CDYL: variants seen among roughly 807,000 people sequenced by gnomAD.
CDYL encodes the protein chromodomain Y-like protein.
Under a neutral mutation model 47.3 loss-of-function variants are expected in CDYL, and 8 were observed. The observed-to-expected ratio is 0.17, with a 90% confidence interval of 0.10 to 0.31. CDYL has a LOEUF of 0.31. CDYL is among the 10% of genes least tolerant of loss of function. The pLI, the probability that CDYL is intolerant of heterozygous loss-of-function variation, is 1.00. For synonymous variants in CDYL, 266 were observed against 265.0 expected (o/e 1.00, Z -0.04); for missense variants, 471 against 701.4 (o/e 0.67, Z 3.71).
chr6:4,756,299 A>G (rs190615817), intron 3 of CDYL, among the ~76,000 whole-genome samples: 2 of 152,156 alleles, frequency 1.3e-5, no homozygotes, highest in Admixed American at 1.3e-4. Flanking sequence ...TACTTTTCCA[A>G]TAGCTGATAA....
intron 1 of CDYL, among the ~76,000 whole-genome samples, chr6:4,821,484 G>A (rs1487511580): frequency 8.6e-5 from 13 of 151,618 alleles, no homozygotes; most frequent in South Asian, 2.1e-4. Flanking sequence ...CTGTAATCCC[G>A]GCACTTTGGG....
intron 1 of CDYL, among the ~76,000 whole-genome samples, chr6:4,706,888 G>T (rs1216817187): frequency 6.6e-6 from 1 of 152,204 alleles, no homozygotes; most frequent in African/African-American, 2.4e-5. Context: ...AAAGCATTCA[G>T]ATTTTCACCT....
chr6:4,836,834 G>A (rs1434690091), intron 1 of CDYL, among the ~76,000 whole-genome samples: 1 of 152,160 alleles, frequency 6.6e-6, no homozygotes, highest in Non-Finnish European at 1.5e-5. Flanking sequence ...TGATGGAGAT[G>A]GTCCTATCAC....
At chr6:4,734,479 A>C (rs1021047713) in intron 2 of CDYL, among the ~76,000 whole-genome samples, 1 of 152,188 alleles carries the variant, frequency 6.6e-6, no homozygotes, top group African/African-American at 2.4e-5. Flanking sequence ...CACTTGGCCC[A>C]CAGCACATCC....
intron 1 of CDYL, among the ~76,000 whole-genome samples, chr6:4,826,122 G>A (rs1028346900): frequency 3.3e-5 from 5 of 152,328 alleles, no homozygotes; most frequent in Admixed American, 3.3e-4. Flanking sequence ...ACTAGGATCA[G>A]TTGTTTGTAG....
intron 2 of CDYL, among the ~76,000 whole-genome samples, chr6:4,724,054 C>T (rs1331728433): frequency 1.3e-5 from 2 of 151,884 alleles, no homozygotes; most frequent in African/African-American, 2.4e-5. Flanking sequence ...TTTTTGTGCG[C>T]GTTTGAGAGA....
At chr6:4,785,809 G>A (rs1451355979) in intron 1 of CDYL, among the ~76,000 whole-genome samples, 1 of 152,168 alleles carries the variant, frequency 6.6e-6, no homozygotes, top group Non-Finnish European at 1.5e-5. Context: ...CAGGTTATTT[G>A]GTAAAGGAAA....
intron 5 of CDYL, among the ~76,000 whole-genome samples, chr6:4,947,565 C>T (rs1255156992): frequency 6.6e-6 from 1 of 152,176 alleles, no homozygotes; most frequent in Non-Finnish European, 1.5e-5. Flanking sequence ...GCTGCCTGTG[C>T]CAGGTACTGT....
intron 2 of CDYL, among the ~76,000 whole-genome samples, chr6:4,906,312 C>T (rs560600562): frequency 6.6e-6 from 1 of 152,306 alleles, no homozygotes; most frequent in East Asian, 1.9e-4. Flanking sequence ...CTTGGCATTA[C>T]CTCTAAAGGT....
intron 1 of CDYL, among the ~76,000 whole-genome samples, chr6:4,857,983 G>A (rs1202837218): frequency 1.3e-5 from 2 of 152,042 alleles, no homozygotes; most frequent in African/African-American, 2.4e-5. Context: ...TCAGCCTAAA[G>A]GTTTTTCTAC....
At chr6:4,946,477 C>G (rs1758519613) in intron 5 of CDYL, among the ~76,000 whole-genome samples, 1 of 152,138 alleles carries the variant, frequency 6.6e-6, no homozygotes, top group South Asian at 2.1e-4. Flanking sequence ...GCTTGCCCAT[C>G]CACCCAGTGA....
At position 4,895,038 on chromosome 6, in the gene CDYL, T is replaced by C. The variant is rs1465289978; in HGVS notation, c.691+2659T>C. Among the ~76,000 whole-genome samples, 3 of 150,470 alleles carry C rather than the reference T, an allele frequency of 2.0e-5. 1 individual carries two copies. Among genetic ancestry groups the C allele is most frequent in the Non-Finnish European group, 4.4e-5 (3 of 67,702 alleles). The stretch of plus-strand genomic sequence containing the variant: ...ATATATGTATGTATGTGTATATATG[T>C]ATCTATATACACATGTACATATGGG... On this transcript the variant is annotated intron_variant, in intron 2 of 6. Coordinates refer to ENST00000397588, the MANE Select transcript of CDYL (RefSeq NM_004824.4).
At chr6:4,823,098 G>T (rs1240995384) in intron 1 of CDYL, among the ~76,000 whole-genome samples, 1 of 152,176 alleles carries the variant, frequency 6.6e-6, no homozygotes, top group Non-Finnish European at 1.5e-5. Context: ...TTAACAAATT[G>T]TAACATTTTG....
At chr6:4,787,699 G>C (rs1327701805) in intron 1 of CDYL, among the ~76,000 whole-genome samples, 1 of 151,560 alleles carries the variant, frequency 6.6e-6, no homozygotes, top group Non-Finnish European at 1.5e-5. Flanking sequence ...CAGAAAGGCA[G>C]CTGGGAGAGA....
intron 1 of CDYL, among the ~76,000 whole-genome samples, chr6:4,842,222 TATAA>T (rs1057489505): frequency 2.7e-5 from 4 of 145,824 alleles, no homozygotes; most frequent in African/African-American, 1.0e-4. Context: ...TATAATTATA[TATAA>T]ATAATACTAA....
At chr6:4,818,440 C>T (rs1401196779) in intron 1 of CDYL, among the ~76,000 whole-genome samples, 1 of 152,098 alleles carries the variant, frequency 6.6e-6, no homozygotes, top group African/African-American at 2.4e-5. Context: ...GAGGTATGTA[C>T]AGTGAACAGC....
chr6:4,892,904 C>G (rs1408632686), intron 2 of CDYL, among the ~76,000 whole-genome samples: 1 of 152,204 alleles, frequency 6.6e-6, no homozygotes, highest in Non-Finnish European at 1.5e-5. Context: ...CATTGCTTCC[C>G]CCGTCAGAGC....
Position 4,776,732 on chromosome 6 carries a change from G to T in CDYL, c.-52G>T. On this transcript the variant is annotated 5_prime_UTR_variant, in exon 1 of 7. Transcript: ENST00000397588. Reference sequence around the variant, plus strand: ...TGAAACAAAGTGTCGGCCGCCCGGCGCCGGCGCCCGCCCCGACCCTGCCCC... The same window carrying T: ...TGAAACAAAGTGTCGGCCGCCCGGCTCCGGCGCCCGCCCCGACCCTGCCCC... 6.3e-6 allele frequency: 8 copies of T among 1,268,266 alleles called. No homozygotes were observed. The highest frequency in any genetic ancestry group is 8.1e-6 in the Non-Finnish European group (8 of 984,116). 78.6% of individuals were successfully genotyped at this position (1,268,266 alleles called of 1,614,324 possible).
chr6:4,841,695 C>T (rs938639639), intron 1 of CDYL, among the ~76,000 whole-genome samples: 1 of 151,726 alleles, frequency 6.6e-6, no homozygotes, highest in African/African-American at 2.4e-5. Context: ...ATGTTTTTGC[C>T]TGGTTTTGAG....
Sources: allele counts gnomAD v4.1 joint callset (sites outside exome capture counted in the v4.1 genomes callset), GRCh38; gene constraint gnomAD v4.1.1; transcripts MANE v1.5; gene names NCBI Gene and HGNC (gene_info 2026-07-23, HGNC 2026-07-21).